The following PLEKHM3 variants were observed in gnomAD, a reference collection of about 807,000 sequenced individuals.
PLEKHM3 encodes the protein pleckstrin homology domain containing M3.
A neutral mutation model predicts 81.8 loss-of-function variants in PLEKHM3; 45 were observed. The observed-to-expected ratio is 0.55, with a 90% CI of 0.43 to 0.71. PLEKHM3 has a LOEUF of 0.71. Among genes scored for constraint, PLEKHM3 ranks in the 30% least tolerant of loss-of-function variants. PLEKHM3 has a pLI of 0.00. For synonymous variants in PLEKHM3, 352 were observed against 356.4 expected (o/e 0.99, Z 0.14); for missense variants, 788 against 924.3 (o/e 0.85, Z 1.91).
chr2:207,838,925 C>T (rs2105886737), intron 7 of PLEKHM3, among the ~76,000 whole-genome samples: 1 of 152,072 alleles, frequency 6.6e-6, no homozygotes. Flanking sequence ...TGCCTAAGAG[C>T]CAAAGGGGTG....
At chr2:208,012,341 G>A (rs1692731016) in intron 1 of PLEKHM3, among the ~76,000 whole-genome samples, 1 of 152,204 alleles carries the variant, frequency 6.6e-6, no homozygotes, top group Non-Finnish European at 1.5e-5. Flanking sequence ...AAAGAGAGGT[G>A]AGTAAAGTAA....
At chr2:207,916,172 CA>C (rs1357708737) in intron 5 of PLEKHM3, among the ~76,000 whole-genome samples, 14 of 152,174 alleles carry the variant, frequency 9.2e-5, no homozygotes, top group Admixed American at 9.2e-4. Flanking sequence ...AAGATTGCAT[CA>C]GATATTATAT....
Position 207,827,610 on chromosome 2 carries a change from T to C in PLEKHM3, c.*709A>G, listed in dbSNP as rs565001356. The C allele has an allele frequency of 6.6e-6, 1 of 151,926 alleles. No homozygotes were observed. Among genetic ancestry groups the C allele is most frequent in the South Asian group, 2.1e-4 (1 of 4,788 alleles). 9.4% of individuals were successfully genotyped at this position (151,926 alleles called of 1,614,324 possible). A position where few individuals can be genotyped will look rare whatever the true frequency, so the allele number is the denominator to read the frequency against. On this transcript the variant is annotated 3_prime_UTR_variant, in exon 8 of 8. Transcript: ENST00000427836. ...AACACGCAGTTATTGGTCGCAGAGGTTTCTTCTCTTCTCAGGAAAAAAACT... is the reference window on the plus strand; with the variant it reads ...AACACGCAGTTATTGGTCGCAGAGGCTTCTTCTCTTCTCAGGAAAAAAACT...
chr2:207,988,161 G>A (rs1021877245), intron 2 of PLEKHM3, among the ~76,000 whole-genome samples: 3 of 151,940 alleles, frequency 2.0e-5, no homozygotes, highest in Non-Finnish European at 2.9e-5. Flanking sequence ...CTAATTCCAC[G>A]GTCTCTTTCT....
chr2:207,888,905 T>C (rs760233705), intron 6 of PLEKHM3, among the ~76,000 whole-genome samples: 2 of 152,184 alleles, frequency 1.3e-5, no homozygotes, highest in Non-Finnish European at 2.9e-5. Flanking sequence ...TTATTGTGTT[T>C]GCAGTGGTCT....
At chr2:207,880,052 T>C (rs2092578623) in intron 6 of PLEKHM3, among the ~76,000 whole-genome samples, 1 of 152,228 alleles carries the variant, frequency 6.6e-6, no homozygotes, top group Non-Finnish European at 1.5e-5. Context: ...TTTAAGATTA[T>C]AACATAAGTT....
chr2:207,926,727 T>A (rs1212885077), intron 5 of PLEKHM3, among the ~76,000 whole-genome samples: 1 of 152,160 alleles, frequency 6.6e-6, no homozygotes. Flanking sequence ...TCTAAACTAA[T>A]CACCCCTGCC....
intron 5 of PLEKHM3, among the ~76,000 whole-genome samples, chr2:207,914,282 G>A (rs374646587): frequency 2.4e-4 from 37 of 152,176 alleles, no homozygotes; most frequent in African/African-American, 8.9e-4. Flanking sequence ...GATCACCAGA[G>A]GGTAGGAGTT....
intron 7 of PLEKHM3, among the ~76,000 whole-genome samples, chr2:207,834,752 T>C (rs2105882840): frequency 6.6e-6 from 1 of 151,830 alleles, no homozygotes; most frequent in South Asian, 2.1e-4. Context: ...CTAAAAGCCG[T>C]CTTGGTGGTG....
intron 6 of PLEKHM3, among the ~76,000 whole-genome samples, chr2:207,880,580 G>A (rs1213361013): frequency 4.0e-5 from 6 of 148,522 alleles, no homozygotes; most frequent in South Asian, 2.1e-4. Context: ...TGGCTAACAC[G>A]GTGAAACCCC....
At chr2:207,912,965 G>A (rs1688856169) in intron 5 of PLEKHM3, among the ~76,000 whole-genome samples, 2 of 152,112 alleles carry the variant, frequency 1.3e-5, no homozygotes, top group Non-Finnish European at 2.9e-5. Flanking sequence ...GTGGGCCCCG[G>A]CAGCTTCCCA....
intron 1 of PLEKHM3, among the ~76,000 whole-genome samples, chr2:208,023,150 C>CTTT (rs550456484): frequency 6.9e-6 from 1 of 143,928 alleles, no homozygotes; most frequent in Admixed American, 6.9e-5. Flanking sequence ...CCATATTAAC[C>CTTT]TTTTTTTTTT....
rs574901545 is a variant in PLEKHM3, at chr2:207,901,770, T to C, written c.1950+6744A>G. ...AGGCATAATTTGTTCCCCAAATAAC[T>C]TATAGTCCTCTTTCCTAGCTCATTA... On this transcript the variant is annotated intron_variant, in intron 6 of 7. Transcript: ENST00000427836. 3.3e-5 allele frequency among the ~76,000 whole-genome samples: 5 copies of C among 152,358 alleles called. No homozygotes were observed. The East Asian group carries it at 9.6e-4, about 29-fold the overall frequency.
intron 7 of PLEKHM3, among the ~76,000 whole-genome samples, chr2:207,858,664 A>G (rs2092449723): frequency 6.6e-6 from 1 of 152,032 alleles, no homozygotes; most frequent in Non-Finnish European, 1.5e-5. Flanking sequence ...TATTTTTAGT[A>G]GAGACGAGGT....
chr2:207,866,247 C>T (rs538139218), intron 6 of PLEKHM3, among the ~76,000 whole-genome samples: 1 of 152,190 alleles, frequency 6.6e-6, no homozygotes, highest in East Asian at 1.9e-4. Context: ...CCTCTGCCTC[C>T]CAGCTTCAAG....
chr2:207,903,011 G>A (rs1039320470), intron 6 of PLEKHM3, among the ~76,000 whole-genome samples: 1 of 151,896 alleles, frequency 6.6e-6, no homozygotes, highest in African/African-American at 2.4e-5. Flanking sequence ...CTCTTTTCAT[G>A]GCTCTTGAGT....
intron 6 of PLEKHM3, among the ~76,000 whole-genome samples, chr2:207,881,336 T>G (rs548300288): frequency 1.3e-5 from 2 of 152,224 alleles, no homozygotes. Context: ...ATAAGCTGGA[T>G]GTGTAACATT....
At position 207,988,837 on chromosome 2, in the gene PLEKHM3, C is replaced by T. The variant is rs533387891; in HGVS notation, c.611-11251G>A. 5.9e-5 allele frequency among the ~76,000 whole-genome samples: 9 copies of T among 152,268 alleles called. No individual in the cohort carries two copies. In the East Asian group the frequency reaches 1.5e-3, roughly 26 times the overall value. ...TCATATCATCTTATAACCCTTGTCT[C>T]GCTCCAGCCACAATCCTCTCTTATG... On this transcript the variant is annotated intron_variant, in intron 2 of 7. Transcript: ENST00000427836.
chr2:207,845,234 A>G (rs549392786), intron 7 of PLEKHM3, among the ~76,000 whole-genome samples: 27 of 152,350 alleles, frequency 1.8e-4, no homozygotes, highest in Non-Finnish European at 3.4e-4. Context: ...CTGTACTCCT[A>G]TAATTAGTTG....
Sources: gnomAD v4.1 joint callset for allele counts (sites outside exome capture counted in the v4.1 genomes callset) on GRCh38, gnomAD v4.1.1 for gene constraint, MANE v1.5 for transcripts, NCBI Gene and HGNC (gene_info 2026-07-23, HGNC 2026-07-21) for gene names.